ADRA1B: variants seen among roughly 807,000 people sequenced by gnomAD.
ADRA1B encodes adrenoceptor alpha 1B, also known as alpha-1B adrenergic receptor.
In ADRA1B, 17 loss-of-function variants were observed where a neutral mutation model predicts 17.9. The ratio of observed to expected loss-of-function variants is 0.95; its 90% CI spans 0.65 to 1.42. The LOEUF is 1.42. Ranked by LOEUF, ADRA1B falls within the 40% of genes most tolerant of loss-of-function variation. The probability of loss-of-function intolerance (pLI) is 0.00; values close to 1 mark genes in which losing one functional copy is unlikely to be tolerated. For synonymous variants in ADRA1B, 366 were observed against 327.6 expected (o/e 1.12, Z -1.27); for missense variants, 681 against 722.1 (o/e 0.94, Z 0.65).
downstream of ADRA1B, among the ~76,000 whole-genome samples, chr5:159,973,129 C>T (rs1755919087): frequency 6.6e-6 from 1 of 152,198 alleles, no homozygotes; most frequent in Non-Finnish European, 1.5e-5. Context: ...TTCCCCTGCC[C>T]TCCAGTCTCC....
chr5:159,938,156 G>A (rs974967977), intron 1 of ADRA1B, among the ~76,000 whole-genome samples: 7 of 152,152 alleles, frequency 4.6e-5, no homozygotes, highest in Admixed American at 2.6e-4. Context: ...CAGCAGAAAC[G>A]AATTAACTCT....
chr5:159,901,423 A>G (rs1581024815), intron 1 of ADRA1B, among the ~76,000 whole-genome samples: 1 of 32,126 alleles, frequency 3.1e-5, no homozygotes, highest in Non-Finnish European at 5.4e-5. Flanking sequence ...GAGAAGGGGG[A>G]GGGAGAGGGG....
intron 1 of ADRA1B, chr5:159,955,194 C>T: frequency 2.0e-6 from 2 of 985,374 alleles, no homozygotes; most frequent in African/African-American, 3.5e-5. Flanking sequence ...GTCATTCACT[C>T]TGTATTGGAG....
chr5:159,903,395 C>T (rs544927284), intron 1 of ADRA1B, among the ~76,000 whole-genome samples: 1 of 152,262 alleles, frequency 6.6e-6, no homozygotes, highest in African/African-American at 2.4e-5. Context: ...TTAGCATAGC[C>T]CTGATATCTA....
At chr5:159,940,967 A>G (rs1369301669) in intron 1 of ADRA1B, among the ~76,000 whole-genome samples, 1 of 152,240 alleles carries the variant, frequency 6.6e-6, no homozygotes, top group Non-Finnish European at 1.5e-5. Context: ...GATTTAACGC[A>G]TCACAATCTC....
intron 1 of ADRA1B, among the ~76,000 whole-genome samples, chr5:159,866,584 C>A: frequency 7.2e-6 from 1 of 139,582 alleles, no homozygotes; most frequent in African/African-American, 2.9e-5. Context: ...GAGACTCCAT[C>A]TCAAAAAAGG....
At chr5:159,946,424 C>T (rs1220591366) in intron 1 of ADRA1B, among the ~76,000 whole-genome samples, 2 of 152,168 alleles carry the variant, frequency 1.3e-5, no homozygotes, top group Admixed American at 6.5e-5. Context: ...GAACACATCC[C>T]GGTAAGCAGC....
At chr5:159,901,638 T>A (rs192875916) in intron 1 of ADRA1B, among the ~76,000 whole-genome samples, 148 of 152,294 alleles carry the variant, frequency 9.7e-4, no homozygotes, top group African/African-American at 3.5e-3. Flanking sequence ...CTTCTCAGCA[T>A]GTAGAAGTAG....
Position 159,927,538 on chromosome 5 carries a change from G to C in ADRA1B, c.949+9684G>C, listed in dbSNP as rs138293807. Among the ~76,000 whole-genome samples the C allele has an allele frequency of 3.4e-3, 514 of 152,140 alleles. 4 individuals carry two copies. The highest frequency in any genetic ancestry group is 0.012 in the African/African-American group (494 of 41,488). On this transcript the variant is annotated intron_variant, in intron 1 of 1. Transcript: ENST00000306675. ...CCAAAAATACAGGTGCCCCAGCTTT[G>C]CGAATGCTCTGAAGACACACTGGGT...
rs1251886023 is a variant in ADRA1B at position 159,948,418 on chromosome 5, C to G, written c.950-23461C>G. 1.0e-5 allele frequency: 10 copies of G among 985,240 alleles called. No homozygotes were observed. In the African/African-American group the frequency reaches 1.7e-4, roughly 17 times the overall value. 61.0% of individuals were successfully genotyped at this position (985,240 alleles called of 1,614,324 possible). A position where few individuals can be genotyped will look rare whatever the true frequency, so the allele number is the denominator to read the frequency against. ...CCTTCACAAAAATGATGATTCAAAG[C>G]CACAAAGCGTTTTTCAACAGAAATC... On this transcript the variant is annotated intron_variant, in intron 1 of 1. Coordinates refer to ENST00000306675, the MANE Select transcript of ADRA1B (RefSeq NM_000679.4).
At chr5:159,950,425 G>T in intron 1 of ADRA1B, 1 of 775,796 alleles carries the variant, frequency 1.3e-6, no homozygotes, top group Non-Finnish European at 2.2e-6. Context: ...TGTGTGGCAG[G>T]GACTCCCCAT....
chr5:159,930,296 A>G (rs1052762591), intron 1 of ADRA1B, among the ~76,000 whole-genome samples: 6 of 152,232 alleles, frequency 3.9e-5, no homozygotes, highest in African/African-American at 1.4e-4. Flanking sequence ...TATGCGTAAT[A>G]AGAAATTTAA....
chr5:159,911,395 GTCCGGCACCCTGTGCC>G, intron 1 of ADRA1B, among the ~76,000 whole-genome samples: 1 of 152,246 alleles, frequency 6.6e-6, no homozygotes, highest in South Asian at 2.1e-4. Flanking sequence ...CGGATTCTCC[GTCCGGCACCCTGTGCC>G]TTCACACCCC....
chr5:159,934,561 T>C (rs1441911837), intron 1 of ADRA1B, among the ~76,000 whole-genome samples: 2 of 151,866 alleles, frequency 1.3e-5, no homozygotes, highest in African/African-American at 4.8e-5. Context: ...AGCAAGCACT[T>C]TGGGAGTCCG....
intron 1 of ADRA1B, among the ~76,000 whole-genome samples, chr5:159,945,189 A>G (rs1460963419): frequency 1.3e-5 from 2 of 152,158 alleles, no homozygotes; most frequent in Non-Finnish European, 1.5e-5. Context: ...AGTCTGGCCA[A>G]CGTGGTGAAA....
chr5:159,954,464 A>G (rs1755514853), intron 1 of ADRA1B, among the ~76,000 whole-genome samples: 1 of 152,174 alleles, frequency 6.6e-6, no homozygotes, highest in African/African-American at 2.4e-5. Flanking sequence ...CCACCTCCTG[A>G]TACCATCACC....
At chr5:159,900,425 G>T (rs1754089153) in intron 1 of ADRA1B, among the ~76,000 whole-genome samples, 1 of 152,106 alleles carries the variant, frequency 6.6e-6, no homozygotes, top group Non-Finnish European at 1.5e-5. Context: ...TCTTCATATA[G>T]GTCTTGTACG....
At chr5:159,935,528 C>T (rs960843785) in intron 1 of ADRA1B, among the ~76,000 whole-genome samples, 2 of 151,890 alleles carry the variant, frequency 1.3e-5, no homozygotes, top group Admixed American at 1.3e-4. Flanking sequence ...TGTCTGTGAT[C>T]GAATGGACTT....
chr5:159,894,392 T>C (rs1561584366), intron 1 of ADRA1B, among the ~76,000 whole-genome samples: 1 of 152,180 alleles, frequency 6.6e-6, no homozygotes, highest in East Asian at 1.9e-4. Flanking sequence ...TCAAATACCA[T>C]ATAATACGCT....
Sources: allele counts gnomAD v4.1 joint callset (sites outside exome capture counted in the v4.1 genomes callset), GRCh38; gene constraint gnomAD v4.1.1; transcripts MANE v1.5; gene names NCBI Gene and HGNC (gene_info 2026-07-23, HGNC 2026-07-21).